Variants in HIVEP3 observed in about 807,000 individuals in gnomAD.
HIVEP3 encodes the protein HIVEP zinc finger 3, also known as transcription factor HIVEP3.
In HIVEP3, 49 loss-of-function variants were observed where a neutral mutation model predicts 152.8. That is an observed-to-expected ratio of 0.32 (90% CI 0.26 to 0.41). The LOEUF (loss-of-function observed/expected upper bound fraction) is 0.41, where lower values mean the gene tolerates loss of function less well. HIVEP3 is among the 10% of genes least tolerant of loss of function. The pLI, the probability that HIVEP3 is intolerant of heterozygous loss-of-function variation, is 1.00. For synonymous variants in HIVEP3, 1,269 were observed against 1,289.0 expected (o/e 0.98, Z 0.33); for missense variants, 2,790 against 3,103.3 (o/e 0.90, Z 2.40).
At chr1:41,655,480 C>T (rs1341766490) in intron 2 of HIVEP3, among the ~76,000 whole-genome samples, 2 of 148,352 alleles carry the variant, frequency 1.3e-5, no homozygotes, top group Admixed American at 6.8e-5. Flanking sequence ...CTACTTGGGA[C>T]GCTGAGGTGA....
chr1:41,960,593 A>AT (rs1223667153), intron 1 of HIVEP3, among the ~76,000 whole-genome samples: 1 of 151,858 alleles, frequency 6.6e-6, no homozygotes, highest in Non-Finnish European at 1.5e-5. Flanking sequence ...CTAAAACCAC[A>AT]TTTTTTCCTA....
chr1:41,740,272 C>A (rs1366974249), intron 1 of HIVEP3, among the ~76,000 whole-genome samples: 1 of 152,244 alleles, frequency 6.6e-6, no homozygotes, highest in Non-Finnish European at 1.5e-5. Context: ...GTCTCCAAGG[C>A]CATCCTGAAA....
At position 41,511,361 on chromosome 1, in the gene HIVEP3, T is replaced by A; in HGVS notation, c.6406-95A>T. 1 of 1,138,886 alleles carries A rather than the reference T, an allele frequency of 8.8e-7. No individual in the cohort carries two copies. Among genetic ancestry groups the A allele is most frequent in the Non-Finnish European group, 1.2e-6 (1 of 820,932 alleles). The allele number at this position is 1,138,886 out of a possible 1,614,324, so 70.5% of individuals were successfully genotyped here. On this transcript the variant is annotated intron_variant, in intron 8 of 8. Transcript: ENST00000372583. This position sits in a 1 kb window ranked among gnomAD's most constrained non-coding sequence, Gnocchi z 4.9. ...AAGTGGGAGGGGGACTCGCCCAAGA[T>A]CACAGAGCGAGTCCAGGGTCCCGGC...
chr1:41,697,789 T>G (rs1646299759), intron 2 of HIVEP3, among the ~76,000 whole-genome samples: 1 of 152,220 alleles, frequency 6.6e-6, no homozygotes, highest in African/African-American at 2.4e-5. Flanking sequence ...CATCCAGGCA[T>G]TTGTGCATTC....
chr1:41,682,637 G>C (rs918681675), intron 2 of HIVEP3, among the ~76,000 whole-genome samples: 4 of 152,102 alleles, frequency 2.6e-5, no homozygotes, highest in Admixed American at 2.6e-4. Flanking sequence ...GCCGGGGACA[G>C]GTGGTGCCTA....
intron 1 of HIVEP3, among the ~76,000 whole-genome samples, chr1:41,949,505 T>C (rs1485813033): frequency 6.6e-6 from 1 of 152,106 alleles, no homozygotes; most frequent in Non-Finnish European, 1.5e-5. Context: ...CTGTTTATTT[T>C]TAGGGGAAGA....
chr1:41,845,335 G>A (rs997965636), intron 1 of HIVEP3, among the ~76,000 whole-genome samples: 1 of 151,206 alleles, frequency 6.6e-6, no homozygotes, highest in Admixed American at 6.6e-5. Context: ...ATAAATACTA[G>A]TAGAATGGAT....
At chr1:41,552,257 T>C (rs1558054454) in intron 5 of HIVEP3, among the ~76,000 whole-genome samples, 1 of 152,060 alleles carries the variant, frequency 6.6e-6, no homozygotes, top group Non-Finnish European at 1.5e-5. Context: ...AGGGTACATG[T>C]GCACAACGTG....
chr1:41,563,515 T>C (rs920094899), intron 5 of HIVEP3, among the ~76,000 whole-genome samples: 1 of 151,958 alleles, frequency 6.6e-6, no homozygotes, highest in Non-Finnish European at 1.5e-5. Context: ...GACTGAGTCT[T>C]CATAGGGATT....
intron 3 of HIVEP3, among the ~76,000 whole-genome samples, chr1:41,621,857 A>G (rs12061659): frequency 0.011 from 1,663 of 152,166 alleles, 36 homozygotes; most frequent in African/African-American, 0.038. Flanking sequence ...ACTTGGAAAG[A>G]CTTCCTGACC....
chr1:41,752,193 T>C (rs930336326), intron 1 of HIVEP3, among the ~76,000 whole-genome samples: 1 of 152,206 alleles, frequency 6.6e-6, no homozygotes, highest in African/African-American at 2.4e-5. Flanking sequence ...GAAGTGAGAA[T>C]GAATCCGGAT....
chr1:42,034,456 A>T (rs1017126213), intron 1 of HIVEP3, among the ~76,000 whole-genome samples: 7 of 152,230 alleles, frequency 4.6e-5, no homozygotes, highest in African/African-American at 1.7e-4. Flanking sequence ...CACTATTAAA[A>T]TGAATCAGGT....
chr1:41,528,224 A>C (rs1569754792), intron 5 of HIVEP3, among the ~76,000 whole-genome samples: 13 of 45,750 alleles, frequency 2.8e-4, no homozygotes, highest in Admixed American at 5.1e-4. Context: ...TTCACACTCC[A>C]CCCTCACACC....
chr1:42,029,972 T>C (rs999909922), intron 1 of HIVEP3, among the ~76,000 whole-genome samples: 1 of 152,190 alleles, frequency 6.6e-6, no homozygotes, highest in Non-Finnish European at 1.5e-5. Flanking sequence ...GCAAGAGTCT[T>C]CCATACACTG....
chr1:41,913,798 C>T (rs957314431), intron 1 of HIVEP3, among the ~76,000 whole-genome samples: 2 of 152,190 alleles, frequency 1.3e-5, no homozygotes, highest in Non-Finnish European at 2.9e-5. Flanking sequence ...AGGAGCATAT[C>T]GTGTGTTTAT....
chr1:41,613,610 T>C (rs916875085), intron 3 of HIVEP3, among the ~76,000 whole-genome samples: 3 of 152,406 alleles, frequency 2.0e-5, no homozygotes, highest in African/African-American at 4.8e-5. Flanking sequence ...AATTTGCTAA[T>C]GAGTAGAATT....
At chr1:41,715,875 G>A (rs904445998) in intron 1 of HIVEP3, among the ~76,000 whole-genome samples, 3 of 152,194 alleles carry the variant, frequency 2.0e-5, no homozygotes, top group Non-Finnish European at 2.9e-5. Flanking sequence ...TCTATGTCAG[G>A]CCCAAACCGA....
chr1:41,693,752 C>A (rs1242645063), intron 2 of HIVEP3, among the ~76,000 whole-genome samples: 1 of 152,112 alleles, frequency 6.6e-6, no homozygotes, highest in East Asian at 1.9e-4. Flanking sequence ...CGTTGTCTTT[C>A]TTTTAGTATC....
chr1:41,577,912 G>T (rs1644350542), intron 4 of HIVEP3, among the ~76,000 whole-genome samples: 3 of 152,216 alleles, frequency 2.0e-5, no homozygotes, highest in Admixed American at 6.5e-5. Flanking sequence ...TGCAATTCTG[G>T]AAGGAAACAT....
Sources: gnomAD v4.1 joint callset for allele counts (sites outside exome capture counted in the v4.1 genomes callset) on GRCh38, gnomAD v4.1.1 for gene constraint, Gnocchi (gnomAD v3.1) non-coding constraint, MANE v1.5 for transcripts, NCBI Gene and HGNC (gene_info 2026-07-23, HGNC 2026-07-21) for gene names.